Variants in GPC5 observed in about 807,000 individuals in gnomAD.
The protein encoded by GPC5 is glypican-5.
GPC5 carries 47 observed loss-of-function variants against 53.9 expected under a neutral mutation model. That is an observed-to-expected ratio of 0.87 (90% CI 0.69 to 1.11). The LOEUF (loss-of-function observed/expected upper bound fraction) is 1.11. Ranked by LOEUF, GPC5 falls within the 50% of genes most tolerant of loss-of-function variation. GPC5 has a pLI of 0.00. For missense variants in GPC5, 748 were observed against 713.1 expected (o/e 1.05, Z -0.56); for synonymous variants, 286 against 263.3 (o/e 1.09, Z -0.84).
intron 5 of GPC5, among the ~76,000 whole-genome samples, chr13:91,859,475 A>G (rs2039002954): frequency 6.6e-6 from 1 of 151,956 alleles, no homozygotes; most frequent in South Asian, 2.1e-4. Context: ...ATTGATACAT[A>G]TAGACATTGA....
chr13:92,623,826 T>C (rs2139119166), intron 7 of GPC5, among the ~76,000 whole-genome samples: 1 of 151,560 alleles, frequency 6.6e-6, no homozygotes, highest in Admixed American at 6.6e-5. Context: ...GTCATTTCCC[T>C]TAGAAAGTCT....
At chr13:91,935,185 T>G (rs1244603475) in intron 6 of GPC5, among the ~76,000 whole-genome samples, 1 of 151,954 alleles carries the variant, frequency 6.6e-6, no homozygotes, top group Non-Finnish European at 1.5e-5. Flanking sequence ...ATGGATATAC[T>G]CTTATGGATA....
chr13:92,651,189 C>T (rs1885946443), intron 7 of GPC5, among the ~76,000 whole-genome samples: 3 of 151,552 alleles, frequency 2.0e-5, no homozygotes. Flanking sequence ...GTATATCTAT[C>T]CTATTAGTTC....
At chr13:92,345,226 C>A (rs946981545) in intron 7 of GPC5, among the ~76,000 whole-genome samples, 2 of 151,846 alleles carry the variant, frequency 1.3e-5, no homozygotes, top group African/African-American at 4.8e-5. Context: ...TTCAAAAGAT[C>A]ACAGAAAGAG....
At chr13:91,930,147 G>C (rs2039807998) in intron 6 of GPC5, among the ~76,000 whole-genome samples, 2 of 151,982 alleles carry the variant, frequency 1.3e-5, no homozygotes, top group Non-Finnish European at 2.9e-5. Context: ...CATGCACGAG[G>C]CCTTTCTAAA....
chr13:91,920,637 G>A (rs1455086229), intron 6 of GPC5, among the ~76,000 whole-genome samples: 2 of 152,102 alleles, frequency 1.3e-5, no homozygotes, highest in African/African-American at 4.8e-5. Context: ...CTGAATATTG[G>A]TGATGAACAA....
intron 2 of GPC5, among the ~76,000 whole-genome samples, chr13:91,655,160 T>A (rs1035413650): frequency 7.2e-5 from 11 of 152,152 alleles, no homozygotes. Context: ...TTGTGTATGT[T>A]GAAGGTTGTA....
chr13:91,658,336 A>G (rs7325128), intron 2 of GPC5, among the ~76,000 whole-genome samples: 3,925 of 152,094 alleles, frequency 0.026, 163 homozygotes, highest in African/African-American at 0.09. Context: ...GGCCTTAGCC[A>G]TAGCACATTT....
rs2040414576 is a variant in GPC5, at chr13:91,987,027, T to C, written c.1401+78970T>C. On this transcript the variant is annotated intron_variant, in intron 6 of 7. Transcript: ENST00000377067. Reference sequence around the variant, plus strand: ...TAAGCAAAGTAGATAACAATCAAGGTTACACAAAGATTACAGTGTCTTAAG... The same window carrying C: ...TAAGCAAAGTAGATAACAATCAAGGCTACACAAAGATTACAGTGTCTTAAG... 1.3e-5 allele frequency among the ~76,000 whole-genome samples: 2 copies of C among 152,186 alleles called. 1 individual carries two copies. The highest frequency in any genetic ancestry group is 4.8e-5 in the African/African-American group (2 of 41,440).
At chr13:91,622,143 T>C (rs2033878776) in intron 2 of GPC5, among the ~76,000 whole-genome samples, 1 of 152,098 alleles carries the variant, frequency 6.6e-6, no homozygotes, top group African/African-American at 2.4e-5. Context: ...CTTACCCAGA[T>C]TGAGGGTAGG....
intron 2 of GPC5, among the ~76,000 whole-genome samples, chr13:91,478,881 T>TTATATATATATATATATATATATATA (rs71113743): frequency 3.0e-5 from 2 of 67,498 alleles, no homozygotes; most frequent in Admixed American, 3.9e-4. Flanking sequence ...TATATACACA[T>TTATATATATATATATATATATATATA]TATATATATA....
intron 7 of GPC5, among the ~76,000 whole-genome samples, chr13:92,169,366 C>T (rs1325405569): frequency 2.0e-5 from 3 of 152,166 alleles, no homozygotes; most frequent in African/African-American, 7.2e-5. Context: ...ACCTTTAAAA[C>T]CATCGTTAAA....
At chr13:91,886,426 G>A (rs998771980) in intron 5 of GPC5, among the ~76,000 whole-genome samples, 8 of 152,062 alleles carry the variant, frequency 5.3e-5, no homozygotes, top group African/African-American at 1.7e-4. Flanking sequence ...TCTTCCCATG[G>A]CACCTCCTGA....
chr13:91,562,993 A>G (rs1376679840), intron 2 of GPC5, among the ~76,000 whole-genome samples: 1 of 152,096 alleles, frequency 6.6e-6, no homozygotes, highest in East Asian at 1.9e-4. Flanking sequence ...GTAATTTTAC[A>G]TATTATCTTT....
chr13:92,633,166 T>G (rs1566332665), intron 7 of GPC5, among the ~76,000 whole-genome samples: 1 of 152,188 alleles, frequency 6.6e-6, no homozygotes, highest in Non-Finnish European at 1.5e-5. Context: ...GTGCTGGGAT[T>G]ACAGGCGTGA....
At chr13:91,920,977 G>A (rs1013897018) in intron 6 of GPC5, among the ~76,000 whole-genome samples, 3 of 110,862 alleles carry the variant, frequency 2.7e-5, no homozygotes, top group Admixed American at 1.4e-4. Context: ...TCTCTCTGTC[G>A]CCCAGGCTGG....
intron 2 of GPC5, among the ~76,000 whole-genome samples, chr13:91,571,629 G>A (rs1364531262): frequency 6.6e-6 from 1 of 151,714 alleles, no homozygotes; most frequent in African/African-American, 2.4e-5. Flanking sequence ...GGAGGCTGAG[G>A]CAGGAGAATC....
intron 7 of GPC5, chr13:92,658,924 G>GTTTTTTTTTTTTTTTTTTT (rs71123426): frequency 2.3e-5 from 2 of 85,594 alleles, no homozygotes; most frequent in African/African-American, 8.3e-5. Flanking sequence ...TATATGTTTT[G>GTTTTTTTTTTTTTTTTTTT]TTTTTTTTTT....
chr13:92,481,322 C>T (rs759974720), intron 7 of GPC5, among the ~76,000 whole-genome samples: 1 of 152,034 alleles, frequency 6.6e-6, no homozygotes, highest in Non-Finnish European at 1.5e-5. Context: ...AAGATGGTCT[C>T]GATCTCCTGA....
Sources: allele counts gnomAD v4.1 joint callset (sites outside exome capture counted in the v4.1 genomes callset), GRCh38; gene constraint gnomAD v4.1.1; transcripts MANE v1.5; gene names NCBI Gene and HGNC (gene_info 2026-07-23, HGNC 2026-07-21).